Variants in TAFA2 observed in about 807,000 individuals in gnomAD.
The protein encoded by TAFA2 is TAFA chemokine like family member 2.
TAFA2 carries 7 observed loss-of-function variants against 18.8 expected under a neutral mutation model. The observed-to-expected ratio is 0.37, with a 90% CI of 0.21 to 0.70. TAFA2 has a LOEUF of 0.70. TAFA2 is among the 30% of genes least tolerant of loss of function. TAFA2 has a pLI of 0.53. For missense variants in TAFA2, 122 were observed against 158.1 expected, an observed-to-expected ratio of 0.77 and a Z score of 1.23; for synonymous variants, 60 against 54.2, an observed-to-expected ratio of 1.11 and a Z score of -0.47.
At chr12:61,941,327 C>G (rs1441572035) in intron 1 of TAFA2, among the ~76,000 whole-genome samples, 1 of 152,084 alleles carries the variant, frequency 6.6e-6, no homozygotes, top group Non-Finnish European at 1.5e-5. Context: ...TCTAATGTGG[C>G]TACTAGAAAA....
intron 1 of TAFA2, among the ~76,000 whole-genome samples, chr12:61,934,992 G>C (rs1174157121): frequency 6.6e-6 from 1 of 152,076 alleles, no homozygotes; most frequent in Non-Finnish European, 1.5e-5. Flanking sequence ...AGGTTCACTT[G>C]ACTGAGTTTA....
intron 1 of TAFA2, among the ~76,000 whole-genome samples, chr12:62,256,105 C>A (rs975193528): frequency 6.6e-6 from 1 of 151,960 alleles, no homozygotes; most frequent in Non-Finnish European, 1.5e-5. Context: ...CCTGTCTCTA[C>A]TAAAAATACA....
At chr12:62,115,703 G>C (rs1869933691) in intron 1 of TAFA2, among the ~76,000 whole-genome samples, 1 of 152,156 alleles carries the variant, frequency 6.6e-6, no homozygotes, top group Admixed American at 6.5e-5. Context: ...GATGGAGGGA[G>C]CTTACTTAAC....
At chr12:61,932,977 A>C (rs2121399443) in intron 1 of TAFA2, among the ~76,000 whole-genome samples, 1 of 152,324 alleles carries the variant, frequency 6.6e-6, no homozygotes, top group Non-Finnish European at 1.5e-5. Flanking sequence ...GAAGTACGGA[A>C]CTAAGAAAGC....
intron 1 of TAFA2, among the ~76,000 whole-genome samples, chr12:62,138,400 A>T (rs1310935655): frequency 6.6e-6 from 1 of 152,098 alleles, no homozygotes; most frequent in African/African-American, 2.4e-5. Flanking sequence ...CTTTAATAGC[A>T]CTCATATGCT....
chr12:62,033,140 AC>A lies in TAFA2; in HGVS notation c.-2+158118del, dbSNP rs773878815. On this transcript the variant is annotated intron_variant, in intron 1 of 4. Coordinates refer to ENST00000416284, the MANE Select transcript of TAFA2 (RefSeq NM_178539.5). Reference sequence around the variant, plus strand: ...GGAGCAGAATGACACTCAAGCTGTTACCCTTGCTTTTCAAAGGCTGGAATTA... The same window carrying A: ...GGAGCAGAATGACACTCAAGCTGTTACCTTGCTTTTCAAAGGCTGGAATTA... Among the ~76,000 whole-genome samples the A allele has an allele frequency of 2.0e-5, 3 of 152,146 alleles. No individual in the cohort carries two copies. In the East Asian group the frequency reaches 5.8e-4, roughly 29 times the overall value.
chr12:62,111,447 G>T (rs1278683705), intron 1 of TAFA2, among the ~76,000 whole-genome samples: 11 of 152,316 alleles, frequency 7.2e-5, no homozygotes, highest in African/African-American at 2.6e-4. Context: ...GTGGTGCTGA[G>T]AAGAATGTAT....
chr12:61,937,757 A>G (rs553214754), intron 1 of TAFA2, among the ~76,000 whole-genome samples: 1 of 152,312 alleles, frequency 6.6e-6, no homozygotes, highest in Admixed American at 6.5e-5. Flanking sequence ...CAAATAATTT[A>G]TGACTAAGAC....
chr12:61,965,819 G>A (rs1879047021), intron 1 of TAFA2, among the ~76,000 whole-genome samples: 2 of 151,884 alleles, frequency 1.3e-5, no homozygotes, highest in African/African-American at 4.8e-5. Flanking sequence ...AGCTGAGAAT[G>A]GCATGGCATT....
intron 1 of TAFA2, among the ~76,000 whole-genome samples, chr12:62,115,451 G>A (rs1165046252): frequency 6.6e-6 from 1 of 152,088 alleles, no homozygotes; most frequent in Non-Finnish European, 1.5e-5. Context: ...ATCTTTTTCA[G>A]TCTTTGTTAG....
chr12:61,800,279 T>C (rs1259048212), intron 2 of TAFA2, among the ~76,000 whole-genome samples: 1 of 152,222 alleles, frequency 6.6e-6, no homozygotes, highest in East Asian at 1.9e-4. Flanking sequence ...TATTCTTGGC[T>C]GAGAACTCTA....
chr12:61,830,414 G>C (rs893356967), intron 2 of TAFA2, among the ~76,000 whole-genome samples: 4 of 151,242 alleles, frequency 2.6e-5, no homozygotes, highest in Non-Finnish European at 4.4e-5. Flanking sequence ...ATACTAGTCT[G>C]CCATAAAAAG....
intron 4 of TAFA2, among the ~76,000 whole-genome samples, chr12:61,728,652 G>C (rs1870289637): frequency 6.6e-6 from 1 of 152,008 alleles, no homozygotes. Context: ...GAAGACAGCA[G>C]ATACTTGGTT....
chr12:62,232,886 G>C lies in TAFA2; in HGVS notation c.-130+25877C>G, dbSNP rs777048529. Among the ~76,000 whole-genome samples the C allele has an allele frequency of 4.5e-4, 69 of 151,966 alleles. 1 individual carries two copies. The highest frequency in any genetic ancestry group is 8.1e-4 in the Non-Finnish European group (55 of 67,970). On this transcript the variant is annotated intron_variant, in intron 1 of 5. Transcript: ENST00000551619. ...AGACTTAGCCACTGCCTAGCACAGG[G>C]CCATCTCTGGATAAAGACTTATTTC...
intron 1 of TAFA2, among the ~76,000 whole-genome samples, chr12:62,165,900 GTCTC>G (rs139551297): frequency 1.4e-5 from 2 of 141,114 alleles, no homozygotes; most frequent in Admixed American, 7.2e-5. Context: ...ACTTAATACA[GTCTC>G]TCTCTCTCTC....
intron 1 of TAFA2, among the ~76,000 whole-genome samples, chr12:61,983,912 T>C (rs546892374): frequency 6.6e-6 from 1 of 152,310 alleles, no homozygotes; most frequent in East Asian, 1.9e-4. Context: ...AGTCTCCTGC[T>C]AATCAGTCTT....
intron 1 of TAFA2, among the ~76,000 whole-genome samples, chr12:62,127,179 A>G (rs1480086450): frequency 6.6e-6 from 1 of 152,036 alleles, no homozygotes; most frequent in Non-Finnish European, 1.5e-5. Context: ...AAGGTATGCT[A>G]TCAGTTACAA....
At chr12:61,971,486 AT>A (rs1220152877) in intron 1 of TAFA2, among the ~76,000 whole-genome samples, 1 of 151,684 alleles carries the variant, frequency 6.6e-6, no homozygotes. Context: ...TTAAAGTATA[AT>A]AAAAAAAAGA....
intron 1 of TAFA2, among the ~76,000 whole-genome samples, chr12:61,935,428 T>C (rs1316163633): frequency 6.6e-6 from 1 of 152,160 alleles, no homozygotes; most frequent in Admixed American, 6.5e-5. Context: ...ACAATTCATA[T>C]AGCTATAAGT....
Sources: gnomAD v4.1 joint callset for allele counts (sites outside exome capture counted in the v4.1 genomes callset) on GRCh38, gnomAD v4.1.1 for gene constraint, MANE v1.5 for transcripts, NCBI Gene and HGNC (gene_info 2026-07-23, HGNC 2026-07-21) for gene names.